Variants in RUVBL1 observed in about 807,000 individuals in gnomAD.
The protein encoded by RUVBL1 is RuvB like AAA ATPase 1, also known as ruvB-like 1.
Under a neutral mutation model 52.4 loss-of-function variants are expected in RUVBL1, and 4 were observed. That is an observed-to-expected ratio of 0.08 (90% CI 0.04 to 0.17). RUVBL1 has a LOEUF of 0.17. Ranked by LOEUF, RUVBL1 falls within the 10% of genes least tolerant of loss-of-function variation. The probability of loss-of-function intolerance (pLI) is 1.00; values close to 1 mark genes in which losing one functional copy is unlikely to be tolerated. For missense variants in RUVBL1, 298 were observed against 572.8 expected (o/e 0.52, Z 4.90); for synonymous variants, 217 against 214.4 (o/e 1.01, Z -0.10).
At chr3:128,106,149 G>A (rs186862415) in intron 3 of RUVBL1, among the ~76,000 whole-genome samples, 2 of 152,056 alleles carry the variant, frequency 1.3e-5, no homozygotes, top group African/African-American at 4.8e-5. Context: ...CAAAGTGCTG[G>A]GATTACAGGT....
chr3:128,118,330 A>G (rs1269249982), intron 2 of RUVBL1, among the ~76,000 whole-genome samples: 1 of 152,212 alleles, frequency 6.6e-6, no homozygotes, highest in African/African-American at 2.4e-5. Context: ...ATACCAATAT[A>G]AGATACACAA....
rs760680819 is a variant in RUVBL1 at position 128,101,616 on chromosome 3, T to C, written c.546A>G (p.Lys182=). The C allele has an allele frequency of 8.1e-6, 13 of 1,613,964 alleles. No homozygotes were observed. The highest frequency in any genetic ancestry group is 2.7e-5 in the African/African-American group (2 of 74,932). The change falls in exon 5 of 11, where the codon AAA becomes AAG. Residue 182 remains lysine, a synonymous_variant. Coordinates refer to ENST00000322623, the MANE Select transcript of RUVBL1 (RefSeq NM_003707.3). ...LDPSIFESLQ[K]ERVEAGDVIY... ...TCACATCTCCAGCTTCTACTCGCTCTTTCTGCAAACTTTCAAAAATGCTGG... is the reference window on the plus strand; with the variant it reads ...TCACATCTCCAGCTTCTACTCGCTCCTTCTGCAAACTTTCAAAAATGCTGG...
chr3:128,151,460 GT>G (rs1252939889), intron 1 of RUVBL1, among the ~76,000 whole-genome samples: 1 of 151,676 alleles, frequency 6.6e-6, no homozygotes, highest in Non-Finnish European at 1.5e-5. Context: ...CAAAGTCTTT[GT>G]TAGTTGAAAT....
chr3:128,070,305 T>C (rs936282882), intron 9 of RUVBL1: 1 of 152,292 alleles, frequency 6.6e-6, no homozygotes, highest in African/African-American at 2.4e-5. Context: ...TGTGCACCTA[T>C]TGGCTCTTCT....
chr3:128,100,845 G>T, intron 5 of RUVBL1, 101 bp from the exon 6 acceptor site: 1 of 1,333,790 alleles, frequency 7.5e-7, no homozygotes, highest in Non-Finnish European at 1.0e-6. Flanking sequence ...CCCACTGCAG[G>T]CCTGACAGCC....
At position 128,151,812 on chromosome 3, in the gene RUVBL1, G is replaced by A. The variant is rs1167152321; in HGVS notation, c.-40+1391C>T. On this transcript the variant is annotated intron_variant, in intron 1 of 9. Transcript: ENST00000464873. Reference sequence around the variant, plus strand: ...ACTCTGTTCCTAGTGGAGAGTGGTGGAACGAAGGAGGCAGTTACTGCAAGC... The same window carrying A: ...ACTCTGTTCCTAGTGGAGAGTGGTGAAACGAAGGAGGCAGTTACTGCAAGC... Among the ~76,000 whole-genome samples, 60 of 152,278 alleles carry A rather than the reference G, an allele frequency of 3.9e-4. 1 individual carries two copies. The highest frequency in any genetic ancestry group is 3.9e-3 in the Admixed American group (60 of 15,300).
At chr3:128,145,780 T>G (rs1944094761) in intron 1 of RUVBL1, among the ~76,000 whole-genome samples, 1 of 152,176 alleles carries the variant, frequency 6.6e-6, no homozygotes, top group South Asian at 2.1e-4. Context: ...TTTTTCAAAT[T>G]TTAAAAAATT....
intron 1 of RUVBL1, among the ~76,000 whole-genome samples, chr3:128,151,068 CTCTATATATTCTCTATATA>C (rs1214373805): frequency 1.0e-5 from 1 of 98,950 alleles, no homozygotes; most frequent in Non-Finnish European, 1.8e-5. Context: ...ATTATATGTT[CTCTATATATTCTCTATATA>C]TCTATATATT....
At chr3:128,095,425 GCATAC>G (rs1942946278) in intron 8 of RUVBL1, among the ~76,000 whole-genome samples, 3 of 152,246 alleles carry the variant, frequency 2.0e-5, no homozygotes, top group Non-Finnish European at 4.4e-5. Flanking sequence ...GGCATGCCAG[GCATAC>G]CAGCCATAAG....
At chr3:128,116,128 G>T (rs1036962524) in intron 2 of RUVBL1, among the ~76,000 whole-genome samples, 1 of 151,262 alleles carries the variant, frequency 6.6e-6, no homozygotes, top group South Asian at 2.1e-4. Context: ...CAGCCTGGGC[G>T]ACAGACTGAA....
At chr3:128,101,923 T>C (rs1943116972) in intron 4 of RUVBL1, among the ~76,000 whole-genome samples, 1 of 152,194 alleles carries the variant, frequency 6.6e-6, no homozygotes, top group Non-Finnish European at 1.5e-5. Context: ...AGGGGACACG[T>C]ACTCTCCTCT....
Position 128,087,815 on chromosome 3 carries a change from G to A in RUVBL1, c.1017-7C>T, listed in dbSNP as rs1402625168. The stretch of plus-strand genomic sequence containing the variant: ...TGTGATGTCCTCAGTGCCTCTGTAA[G>A]GGGCAAAATTAATCCCATCACCTAA... On this transcript the variant is annotated splice_polypyrimidine_tract_variant and splice_region_variant and intron_variant, in intron 8 of 10. Coordinates refer to ENST00000322623, the MANE Select transcript of RUVBL1 (RefSeq NM_003707.3). 3 of 1,605,514 alleles carry A rather than the reference G, an allele frequency of 1.9e-6. No individual in the cohort carries two copies. The highest frequency in any genetic ancestry group is 4.5e-5 in the East Asian group (2 of 44,826).
At chr3:128,153,659 TG>T in exon 1 of RUVBL1, 1 of 1,598,692 alleles carries the variant, frequency 6.3e-7, no homozygotes. Context: ...ACGCTCGATC[TG>T]GGCTTCTCGT....
intron 8 of RUVBL1, among the ~76,000 whole-genome samples, chr3:128,088,132 C>T (rs1186152968): frequency 1.3e-5 from 2 of 151,896 alleles, no homozygotes; most frequent in Non-Finnish European, 2.9e-5. Flanking sequence ...CATGGTGGTG[C>T]ACACCTGTAA....
chr3:128,073,389 A>G (rs543044339), intron 9 of RUVBL1, among the ~76,000 whole-genome samples: 13 of 152,296 alleles, frequency 8.5e-5, no homozygotes, highest in African/African-American at 3.1e-4. Flanking sequence ...GCCAGCATGA[A>G]GTCCTCAGGA....
intron 1 of RUVBL1, among the ~76,000 whole-genome samples, chr3:128,138,008 G>A (rs1363085758): frequency 2.0e-5 from 3 of 151,992 alleles, no homozygotes; most frequent in African/African-American, 4.8e-5. Flanking sequence ...TATAGTAAAA[G>A]CCCTCAAAAA....
intron 9 of RUVBL1, among the ~76,000 whole-genome samples, chr3:128,065,529 G>A (rs1165198726): frequency 6.6e-6 from 1 of 152,042 alleles, no homozygotes; most frequent in African/African-American, 2.4e-5. Flanking sequence ...ATTGATCTTT[G>A]TATTTTTTGA....
intron 9 of RUVBL1, 147 bp downstream of exon 9, chr3:128,087,559 G>A: frequency 1.7e-6 from 1 of 576,864 alleles, no homozygotes; most frequent in Non-Finnish European, 3.1e-6. Flanking sequence ...AGACTCTGGA[G>A]TAATGTGACT....
At chr3:128,101,244 C>T (rs556276554) in intron 5 of RUVBL1, among the ~76,000 whole-genome samples, 9 of 152,344 alleles carry the variant, frequency 5.9e-5, no homozygotes, top group Admixed American at 1.3e-4. Flanking sequence ...AGATTAAATA[C>T]ACTGCACATT....
Sources: allele counts gnomAD v4.1 joint callset (sites outside exome capture counted in the v4.1 genomes callset), GRCh38; gene constraint gnomAD v4.1.1; transcripts MANE v1.5; gene names NCBI Gene and HGNC (gene_info 2026-07-23, HGNC 2026-07-21).